Variants in JPH1 observed in about 807,000 individuals in gnomAD.
The protein encoded by JPH1 is junctophilin-1.
Under a neutral mutation model 53.6 loss-of-function variants are expected in JPH1, and 12 were observed. The ratio of observed to expected loss-of-function variants is 0.22; its 90% CI spans 0.14 to 0.36. The LOEUF (loss-of-function observed/expected upper bound fraction) is 0.36. Ranked by LOEUF, JPH1 falls within the 10% of genes least tolerant of loss-of-function variation. The probability of loss-of-function intolerance (pLI) is 1.00; values close to 1 mark genes in which losing one functional copy is unlikely to be tolerated. For missense variants in JPH1, 808 were observed against 905.5 expected (o/e 0.89, Z 1.38); for synonymous variants, 375 against 363.8 (o/e 1.03, Z -0.35).
intron 2 of JPH1, among the ~76,000 whole-genome samples, chr8:74,288,505 G>A (rs1807233494): frequency 6.6e-6 from 1 of 152,202 alleles, no homozygotes. Context: ...GAGGATCACA[G>A]TCTATAAGTG....
At chr8:74,305,750 T>A (rs750857038) in intron 2 of JPH1, among the ~76,000 whole-genome samples, 3 of 152,206 alleles carry the variant, frequency 2.0e-5, no homozygotes, top group Non-Finnish European at 4.4e-5. Context: ...ATACAGTCTC[T>A]TCTCCTTGCC....
intron 2 of JPH1, among the ~76,000 whole-genome samples, chr8:74,281,215 AAAG>A (rs1807009029): frequency 6.6e-6 from 1 of 152,236 alleles, no homozygotes; most frequent in South Asian, 2.1e-4. Context: ...TCTTTCAGAT[AAAG>A]AAGATTTTTA....
At chr8:74,296,611 T>C (rs565444996) in intron 2 of JPH1, among the ~76,000 whole-genome samples, 25 of 152,210 alleles carry the variant, frequency 1.6e-4, no homozygotes, top group Non-Finnish European at 3.1e-4. Flanking sequence ...GAAAATCCAG[T>C]TATGCAAAGC....
intron 2 of JPH1, among the ~76,000 whole-genome samples, chr8:74,302,500 T>C (rs1264007497): frequency 2.6e-5 from 4 of 152,258 alleles, no homozygotes; most frequent in Non-Finnish European, 4.4e-5. Context: ...ATTGATAGCA[T>C]TCCTGTTATC....
intron 2 of JPH1, among the ~76,000 whole-genome samples, chr8:74,294,453 C>T (rs758938459): frequency 1.3e-5 from 2 of 152,184 alleles, no homozygotes; most frequent in African/African-American, 2.4e-5. Context: ...TCCTGATTCA[C>T]GTACTACCAA....
chr8:74,263,136 G>A (rs999928804), intron 2 of JPH1, among the ~76,000 whole-genome samples: 1 of 152,198 alleles, frequency 6.6e-6, no homozygotes, highest in Non-Finnish European at 1.5e-5. Context: ...GTGGGTCCCT[G>A]AGACATCTCC....
rs890708479 is a variant in JPH1, at chr8:74,236,252, A to C, written c.*799T>G. 6.6e-6 allele frequency: 1 copy of C among 152,258 alleles called. No homozygotes were observed. Among genetic ancestry groups the C allele is most frequent in the Non-Finnish European group, 1.5e-5 (1 of 68,050 alleles). The allele number at this position is 152,258 out of a possible 1,614,324, so 9.4% of individuals were successfully genotyped here. ...ACCTTTTACAAGTATAGGAAGAATA[A>C]ATGACATAAAAGATGGTATATTGCT... is the stretch of plus-strand genomic sequence containing the variant. On this transcript the variant is annotated 3_prime_UTR_variant, in exon 6 of 6. Coordinates refer to ENST00000342232, the MANE Select transcript of JPH1 (RefSeq NM_020647.4).
At position 74,267,739 on chromosome 8, in the gene JPH1, G is replaced by A. The variant is rs532970465; in HGVS notation, c.1140-8236C>T. On this transcript the variant is annotated intron_variant, in intron 2 of 5. Transcript: ENST00000342232. ...ATCTGGATAGTAACCAGAAGGATTA[G>A]CTGGGTCAAGGAAAAAGACGTTTTA... Among the ~76,000 whole-genome samples, 14 of 152,310 alleles carry A rather than the reference G, an allele frequency of 9.2e-5. No individual in the cohort carries two copies. The East Asian group carries it at 2.5e-3, about 27-fold the overall frequency.
At chr8:74,300,415 C>T (rs973333681) in intron 2 of JPH1, among the ~76,000 whole-genome samples, 5 of 152,018 alleles carry the variant, frequency 3.3e-5, no homozygotes, top group African/African-American at 1.2e-4. Flanking sequence ...TTGTGGGGGG[C>T]GGAGGGGGTC....
chr8:74,256,916 TATGCACGAACAC>T (rs1194804275), intron 3 of JPH1, among the ~76,000 whole-genome samples: 5 of 152,226 alleles, frequency 3.3e-5, no homozygotes, highest in African/African-American at 1.2e-4. Flanking sequence ...TAACAACTTC[TATGCACGAACAC>T]ATGCATTCCA....
At chr8:74,260,721 C>T (rs185071982) in intron 2 of JPH1, among the ~76,000 whole-genome samples, 4 of 152,188 alleles carry the variant, frequency 2.6e-5, no homozygotes, top group African/African-American at 4.8e-5. Flanking sequence ...ACGGAGGCAC[C>T]GGGCCTGGCC....
At chr8:74,243,763 T>A (rs1428771636) in intron 4 of JPH1, among the ~76,000 whole-genome samples, 1 of 152,228 alleles carries the variant, frequency 6.6e-6, no homozygotes, top group Non-Finnish European at 1.5e-5. Context: ...TTCCATACAT[T>A]ATTCAAAAAA....
intron 2 of JPH1, among the ~76,000 whole-genome samples, chr8:74,304,318 G>T (rs1807771676): frequency 6.6e-6 from 1 of 152,192 alleles, no homozygotes; most frequent in Non-Finnish European, 1.5e-5. Context: ...TATAAAATGG[G>T]CCTGGGCTAC....
intron 4 of JPH1, among the ~76,000 whole-genome samples, chr8:74,238,954 G>A (rs1256179005): frequency 6.6e-6 from 1 of 152,174 alleles, no homozygotes; most frequent in Non-Finnish European, 1.5e-5. Context: ...CACAGTGCCT[G>A]ACCCAAATGT....
At chr8:74,251,579 C>T (rs1421741557) in intron 3 of JPH1, among the ~76,000 whole-genome samples, 1 of 152,096 alleles carries the variant, frequency 6.6e-6, no homozygotes, top group African/African-American at 2.4e-5. Flanking sequence ...AGAAAGCCAT[C>T]CCACATGGCT....
intron 4 of JPH1, 62 bp downstream of exon 4, chr8:74,244,467 C>T (rs1289930121): frequency 3.9e-6 from 6 of 1,524,874 alleles, no homozygotes; most frequent in South Asian, 2.6e-5. Flanking sequence ...AGTCACCCCA[C>T]ACAGCTCGCT....
At chr8:74,317,081 T>C (rs1262659392) in intron 1 of JPH1, among the ~76,000 whole-genome samples, 2 of 152,362 alleles carry the variant, frequency 1.3e-5, no homozygotes, top group African/African-American at 2.4e-5. Context: ...CAGATTTCCA[T>C]TGCATGGCAC....
rs182207683 is a variant in JPH1 at position 74,305,379 on chromosome 8, C to T, written c.1139+9482G>A. Among the ~76,000 whole-genome samples, 545 of 152,342 alleles carry T rather than the reference C, an allele frequency of 3.6e-3. 5 individuals are homozygous for T. The highest frequency in any genetic ancestry group is 2.5e-3 in the Non-Finnish European group (172 of 68,030). ...GAGTTTCTCCAGGTCAAAGCTGAAACTCATACAAAGCATACAGGATAAAAT... is the reference window on the plus strand; with the variant it reads ...GAGTTTCTCCAGGTCAAAGCTGAAATTCATACAAAGCATACAGGATAAAAT... On this transcript the variant is annotated intron_variant, in intron 2 of 5. Coordinates refer to ENST00000342232, the MANE Select transcript of JPH1 (RefSeq NM_020647.4).
At position 74,259,533 on chromosome 8, in the gene JPH1, A is replaced by G. The variant is rs753189888; in HGVS notation, c.1140-30T>C. The G allele has an allele frequency of 4.8e-6, 7 of 1,446,456 alleles. No individual in the cohort carries two copies. The South Asian group carries it at 7.9e-5, about 16-fold the overall frequency. 89.6% of individuals were successfully genotyped at this position (1,446,456 alleles called of 1,614,324 possible). ...ACGGGGCACAAAAGGACGAGTCAGC[A>G]TAGGTGACCCCTTGTTACTTACACA... is the stretch of plus-strand genomic sequence containing the variant. On this transcript the variant is annotated intron_variant, in intron 2 of 5. Coordinates refer to ENST00000342232, the MANE Select transcript of JPH1 (RefSeq NM_020647.4).
Sources: gnomAD v4.1 joint callset for allele counts (sites outside exome capture counted in the v4.1 genomes callset) on GRCh38, gnomAD v4.1.1 for gene constraint, MANE v1.5 for transcripts, NCBI Gene and HGNC (gene_info 2026-07-23, HGNC 2026-07-21) for gene names.